ZNF654: variants seen among roughly 807,000 people sequenced by gnomAD.
ZNF654 encodes the protein zinc finger protein 654.
ZNF654 carries 19 observed loss-of-function variants against 95.3 expected under a neutral mutation model. That is an observed-to-expected ratio of 0.20 (90% CI 0.14 to 0.29). The LOEUF (loss-of-function observed/expected upper bound fraction) is 0.29. Among genes scored for constraint, ZNF654 ranks in the 10% least tolerant of loss-of-function variants. The pLI is 1.00. For synonymous variants in ZNF654, 413 were observed against 457.9 expected, an observed-to-expected ratio of 0.90 and a Z score of 1.25; for missense variants, 1,046 against 1,341.0, an observed-to-expected ratio of 0.78 and a Z score of 3.44.
intron 2 of ZNF654, among the ~76,000 whole-genome samples, chr3:88,091,837 G>T (rs368203941): frequency 4.6e-5 from 7 of 152,134 alleles, no homozygotes; most frequent in African/African-American, 9.7e-5. Flanking sequence ...TGCTGTGATT[G>T]TGAGGCCTCC....
At position 88,122,385 on chromosome 3, in the gene ZNF654, C is replaced by T. The variant is rs143694549; in HGVS notation, c.415-3749C>T. On this transcript the variant is annotated intron_variant, in intron 3 of 8. Coordinates refer to ENST00000636215, the MANE Select transcript of ZNF654 (RefSeq NM_001350134.2). ...CTTTCATCCTATGATAAACTGCTGA[C>T]GGATCCAGACCAATTATGTAGAATG... 1.1e-3 allele frequency among the ~76,000 whole-genome samples: 162 copies of T among 152,254 alleles called. 1 individual carries two copies. The highest frequency in any genetic ancestry group is 3.8e-3 in the African/African-American group (157 of 41,560).
intron 1 of ZNF654, among the ~76,000 whole-genome samples, chr3:88,065,223 C>T (rs4611846): frequency 0.78 from 119,204 of 152,168 alleles, 47,612 homozygotes; most frequent in South Asian, 0.91. Flanking sequence ...TAGGAAAAAA[C>T]AAAACAAATG....
rs375029789 is a variant in ZNF654 at position 88,139,964 on chromosome 3, A to G, written c.2295A>G (p.Lys765=). The part of the protein sequence containing the change: ...RIFKRIGFLN[K]HAMTVHPTDL... The stretch of plus-strand genomic sequence containing the variant: ...TTAAAAGAATTGGGTTTCTAAATAA[A>G]CATGCAATGACCGTACATCCAACCG... The change falls in exon 8 of 9, where the codon AAA becomes AAG. Residue 765 remains lysine (K), a synonymous_variant. Transcript: ENST00000636215. 68 of 1,613,782 alleles carry G rather than the reference A, an allele frequency of 4.2e-5. No individual in the cohort carries two copies. The African/African-American group carries it at 7.9e-4, about 19-fold the overall frequency.
intron 1 of ZNF654, among the ~76,000 whole-genome samples, chr3:88,080,580 TCAAACCTA>T (rs1708026777): frequency 1.3e-5 from 2 of 152,176 alleles, no homozygotes; most frequent in South Asian, 4.1e-4. Context: ...GAGCTGGAAT[TCAAACCTA>T]GGTCTGTCTG....
At chr3:88,117,066 T>C (rs970693242) in intron 3 of ZNF654, among the ~76,000 whole-genome samples, 2 of 151,996 alleles carry the variant, frequency 1.3e-5, no homozygotes, top group African/African-American at 4.8e-5. Flanking sequence ...ATAAGTGAAA[T>C]TGCAAAGAAG....
At chr3:88,079,115 G>T (rs1198036458) in intron 1 of ZNF654, among the ~76,000 whole-genome samples, 1 of 152,032 alleles carries the variant, frequency 6.6e-6, no homozygotes, top group African/African-American at 2.4e-5. Context: ...ATATGAAAAA[G>T]AGCATTTTTG....
Position 88,080,315 on chromosome 3 carries a change from C to T in ZNF654, c.187-5942C>T, listed in dbSNP as rs368917621. Reference sequence around the variant, plus strand: ...GTTCATACTGATGTAATGAAATTGTCACTAAAGCAAGCTTAATTTTGTTGT... The same window carrying T: ...GTTCATACTGATGTAATGAAATTGTTACTAAAGCAAGCTTAATTTTGTTGT... On this transcript the variant is annotated intron_variant, in intron 1 of 8. Transcript: ENST00000636215. 1.4e-3 allele frequency among the ~76,000 whole-genome samples: 209 copies of T among 152,160 alleles called. 4 individuals are homozygous for T. The highest frequency in any genetic ancestry group is 4.8e-3 in the African/African-American group (199 of 41,528).
At chr3:88,141,218 C>G in intron 8 of ZNF654, 170 bp downstream of exon 8, 1 of 753,972 alleles carries the variant, frequency 1.3e-6, no homozygotes, top group Non-Finnish European at 2.0e-6. Context: ...TGAGGTGATA[C>G]TAATATTCCT....
intron 2 of ZNF654, among the ~76,000 whole-genome samples, chr3:88,088,506 G>C (rs1178932429): frequency 2.0e-5 from 3 of 152,126 alleles, no homozygotes; most frequent in African/African-American, 4.8e-5. Context: ...AAATGAATTT[G>C]AAATTAAGAA....
At chr3:88,059,538 C>G in intron 1 of ZNF654, 33 bp downstream of exon 1, 3 of 1,457,644 alleles carry the variant, frequency 2.1e-6, no homozygotes, top group Non-Finnish European at 2.7e-6. Context: ...CGACTTGTCA[C>G]CCGGGTCCTG....
intron 1 of ZNF654, among the ~76,000 whole-genome samples, chr3:88,068,505 C>A (rs1387014044): frequency 6.6e-6 from 1 of 152,016 alleles, no homozygotes; most frequent in Non-Finnish European, 1.5e-5. Context: ...ATTTCTACAA[C>A]TAGAGTTTAT....
chr3:88,124,597 C>G (rs1370373518), intron 3 of ZNF654, among the ~76,000 whole-genome samples: 1 of 152,098 alleles, frequency 6.6e-6, no homozygotes, highest in Non-Finnish European at 1.5e-5. Context: ...GTGTTTGTAG[C>G]CACTTTGAAT....
chr3:88,116,689 T>C (rs1190692212), intron 3 of ZNF654, among the ~76,000 whole-genome samples: 1 of 151,996 alleles, frequency 6.6e-6, no homozygotes, highest in African/African-American at 2.4e-5. Context: ...AATGAGGGTA[T>C]GATCCAAACT....
intron 1 of ZNF654, among the ~76,000 whole-genome samples, chr3:88,072,563 A>G (rs555259969): frequency 3.3e-5 from 5 of 152,256 alleles, no homozygotes; most frequent in African/African-American, 1.2e-4. Flanking sequence ...TTTGGATATT[A>G]TATAGTTTGC....
intron 6 of ZNF654, among the ~76,000 whole-genome samples, chr3:88,132,783 A>C (rs1173749334): frequency 6.6e-6 from 1 of 152,226 alleles, no homozygotes; most frequent in Non-Finnish European, 1.5e-5. Context: ...AATAGGAATA[A>C]TCCCAACCTT....
intron 3 of ZNF654, among the ~76,000 whole-genome samples, chr3:88,117,033 A>C (rs1477063911): frequency 6.6e-6 from 1 of 152,168 alleles, no homozygotes; most frequent in Non-Finnish European, 1.5e-5. Flanking sequence ...GCTGAGGTTG[A>C]GTTTATAATA....
rs138619722 is a variant in ZNF654, at chr3:88,086,097, T to C, written c.187-160T>C. 3.3e-4 allele frequency among the ~76,000 whole-genome samples: 50 copies of C among 152,328 alleles called. No homozygotes were observed. The East Asian group carries it at 3.9e-3, about 12-fold the overall frequency. ...TAATAATTGATTTTATTTTCAGATA[T>C]ATATCGTCAAAATAAACAGTATAGA... is the stretch of plus-strand genomic sequence containing the variant. On this transcript the variant is annotated intron_variant, in intron 1 of 8. Coordinates refer to ENST00000636215, the MANE Select transcript of ZNF654 (RefSeq NM_001350134.2).
chr3:88,122,552 T>G (rs1164095219), intron 3 of ZNF654, among the ~76,000 whole-genome samples: 1 of 152,174 alleles, frequency 6.6e-6, no homozygotes, highest in Non-Finnish European at 1.5e-5. Flanking sequence ...AGTTGTATTT[T>G]CGCTCTACCT....
At chr3:88,060,819 A>C (rs1706834987) in intron 1 of ZNF654, among the ~76,000 whole-genome samples, 1 of 151,954 alleles carries the variant, frequency 6.6e-6, no homozygotes, top group Non-Finnish European at 1.5e-5. Context: ...TGTAAGGGAA[A>C]GCTTGTAAGA....
Sources: gnomAD v4.1 joint callset for allele counts (sites outside exome capture counted in the v4.1 genomes callset) on GRCh38, gnomAD v4.1.1 for gene constraint, MANE v1.5 for transcripts, NCBI Gene and HGNC (gene_info 2026-07-23, HGNC 2026-07-21) for gene names.